Variants in CLCA4 observed in about 807,000 individuals in gnomAD.
CLCA4 encodes the protein calcium-activated chloride channel regulator 4.
CLCA4 carries 69 observed loss-of-function variants against 78.9 expected under a neutral mutation model. That is an observed-to-expected ratio of 0.87 (90% confidence interval 0.72 to 1.07). The LOEUF (loss-of-function observed/expected upper bound fraction) is 1.07, where lower values mean the gene tolerates loss of function less well. Among genes scored for constraint, CLCA4 ranks in the 50% least tolerant of loss-of-function variants. The pLI is 0.00. For missense variants in CLCA4, 1,133 were observed against 1,095.8 expected, an observed-to-expected ratio of 1.03 and a Z score of -0.48; for synonymous variants, 362 against 375.8, an observed-to-expected ratio of 0.96 and a Z score of 0.42.
chr1:86,569,474 A>C (rs894789180), intron 7 of CLCA4, among the ~76,000 whole-genome samples: 8 of 152,014 alleles, frequency 5.3e-5, no homozygotes, highest in Non-Finnish European at 1.0e-4. Context: ...CAAGCACAAC[A>C]AAAAGCTCTT....
At position 86,565,658 on chromosome 1, in the gene CLCA4, T is replaced by C. The variant is rs1186701205; in HGVS notation, c.736-144T>C. The C allele has an allele frequency of 8.0e-6, 5 of 626,124 alleles. 1 individual carries two copies. The highest frequency in any genetic ancestry group is 7.5e-5 in the South Asian group (3 of 40,204). The allele number at this position is 626,124 out of a possible 1,614,324, so 38.8% of individuals were successfully genotyped here. A position where few individuals can be genotyped will look rare whatever the true frequency, so the allele number is the denominator to read the frequency against. ...TAATTCTTATTATGGTAAATCTACC[T>C]TATTGTAATATTGATGCTCAGTAAA... is the stretch of plus-strand genomic sequence containing the variant. On this transcript the variant is annotated intron_variant, in intron 5 of 13. Transcript: ENST00000370563.
chr1:86,559,822 T>C, intron 1 of CLCA4, 110 bp from the exon 2 acceptor site: 1 of 800,194 alleles, frequency 1.2e-6, no homozygotes, highest in Non-Finnish European at 2.1e-6. Context: ...TACTCATCAG[T>C]CTGTTGCTTT....
Position 86,580,143 on chromosome 1 carries a change from T to A in CLCA4, c.2558T>A (p.Leu853Ter), listed in dbSNP as rs1261812285. Residue 853 changes from leucine (L) to a stop codon, truncating the protein, a stop_gained, in exon 14 of 14, where the codon TTG becomes TAG. Transcript: ENST00000370563. LOFTEE classifies it low-confidence loss of function (END_TRUNC). ...IAIKSIDKSNLTSKVSNIAQV... is the reference protein window; with the variant it reads ...IAIKSIDKSN The stretch of plus-strand genomic sequence containing the variant: ...ATTAAAAGTATAGATAAAAGCAATT[T>A]GACATCAAAAGTATCCAACATTGCA... 1 of 1,612,712 alleles carries A rather than the reference T, an allele frequency of 6.2e-7. No individual in the cohort carries two copies. Among genetic ancestry groups the A allele is most frequent in the East Asian group, 2.2e-5 (1 of 44,764 alleles).
Position 86,567,452 on chromosome 1 carries a change from A to T in CLCA4, c.983A>T (p.Gln328Leu). ...AAGGACCGCCTAAATCGAATGAATCAAGCAGCAAAACATTTCCTGCTGCAG... is the reference window on the plus strand; with the variant it reads ...AAGGACCGCCTAAATCGAATGAATCTAGCAGCAAAACATTTCCTGCTGCAG... Reference protein sequence around the residue: ...GGKDRLNRMNQAAKHFLLQTV... With the variant: ...GGKDRLNRMNLAAKHFLLQTV... The change falls in exon 7 of 14, where the codon CAA becomes CTA. Residue 328 changes from glutamine to leucine, a missense_variant. Physicochemically the swap from Gln to Leu is moderately radical, Grantham distance 113. Transcript: ENST00000370563. The T allele has an allele frequency of 6.2e-7, 1 of 1,612,838 alleles. No individual in the cohort carries two copies. Among genetic ancestry groups the T allele is most frequent in the Non-Finnish European group, 8.5e-7 (1 of 1,179,168 alleles).
At chr1:86,556,432 C>T (rs377268742) in intron 1 of CLCA4, among the ~76,000 whole-genome samples, 36 of 152,178 alleles carry the variant, frequency 2.4e-4, no homozygotes, top group African/African-American at 8.4e-4. Context: ...TTCTCCATCT[C>T]CTGAGATAAT....
At chr1:86,562,643 A>G (rs941482247) in intron 3 of CLCA4, among the ~76,000 whole-genome samples, 5 of 152,034 alleles carry the variant, frequency 3.3e-5, no homozygotes, top group Non-Finnish European at 7.4e-5. Flanking sequence ...TCACGAGGTC[A>G]GGAGTTCGAC....
At chr1:86,578,107 G>A (rs1245004482) in intron 12 of CLCA4, 35 bp downstream of exon 12, 1 of 1,566,962 alleles carries the variant, frequency 6.4e-7, no homozygotes, top group Non-Finnish European at 8.7e-7. Flanking sequence ...TCCAGTGATA[G>A]TTTGAACAAT....
chr1:86,576,104 A>T (rs906350179), intron 11 of CLCA4, among the ~76,000 whole-genome samples: 3 of 152,018 alleles, frequency 2.0e-5, no homozygotes, highest in Non-Finnish European at 4.4e-5. Context: ...CGACAACAAA[A>T]ATACCCAATA....
intron 1 of CLCA4, chr1:86,553,002 G>A: frequency 8.0e-6 from 5 of 623,572 alleles, no homozygotes; most frequent in Admixed American, 2.7e-5. Flanking sequence ...CGTCTCCCAA[G>A]CCAGAGGCAG....
intron 5 of CLCA4, 81 bp from the exon 6 acceptor site, chr1:86,565,721 C>A (rs940846574): frequency 2.4e-6 from 2 of 842,376 alleles, no homozygotes; most frequent in Non-Finnish European, 3.5e-6. Flanking sequence ...CTGCAGAAGA[C>A]TTTTAAATTT....
At chr1:86,553,208 C>T in intron 1 of CLCA4, 1 of 1,165,800 alleles carries the variant, frequency 8.6e-7, no homozygotes, top group Non-Finnish European at 1.3e-6. Context: ...GGCAAAGCTG[C>T]AGCTTCACCA....
intron 1 of CLCA4, among the ~76,000 whole-genome samples, chr1:86,550,824 G>A (rs1649632965): frequency 1.3e-5 from 2 of 150,616 alleles, no homozygotes; most frequent in Admixed American, 6.6e-5. Flanking sequence ...GTCTAGGGAG[G>A]GATCATTTCT....
At position 86,571,137 on chromosome 1, in the gene CLCA4, G is replaced by T; in HGVS notation, c.1243G>T (p.Glu415Ter). 6.2e-7 allele frequency: 1 copy of T among 1,612,808 alleles called. No individual in the cohort carries two copies. Among genetic ancestry groups the T allele is most frequent in the Non-Finnish European group, 8.5e-7 (1 of 1,179,012 alleles). ...CGAAGTACTGCTGCTGACTGATGGG[G>T]AGGATAACACTGCAAGTTCTTGTAT... ...GSEVLLLTDGEDNTASSCIDE... is the reference protein window; with the variant it reads ...GSEVLLLTDG Residue 415 changes from glutamate to a stop codon, truncating the protein, a stop_gained, in exon 8 of 14, where the codon GAG becomes TAG. Coordinates refer to ENST00000370563, the MANE Select transcript of CLCA4 (RefSeq NM_012128.4). LOFTEE classifies it high-confidence loss of function.
At chr1:86,562,083 G>A (rs1276836846) in intron 3 of CLCA4, among the ~76,000 whole-genome samples, 13 of 151,492 alleles carry the variant, frequency 8.6e-5, no homozygotes, top group Admixed American at 7.2e-4. Flanking sequence ...ACACACACAC[G>A]ACACACACAC....
In CLCA4 at chr1:86,574,760, G is replaced by A. The variant is rs759893616; in HGVS notation, c.1683+5G>A. 2.5e-6 allele frequency: 4 copies of A among 1,603,422 alleles called. No individual in the cohort carries two copies. The South Asian group carries it at 4.4e-5, about 18-fold the overall frequency. On this transcript the variant is annotated splice_donor_5th_base_variant and intron_variant, in intron 10 of 13. Coordinates refer to ENST00000370563, the MANE Select transcript of CLCA4 (RefSeq NM_012128.4). The stretch of plus-strand genomic sequence containing the variant: ...AGTATTCCAGGAACTGCAAAGGTAA[G>A]CAATCAGCTTTTAGACTTCCTGTCA...
chr1:86,577,816 G>A, intron 11 of CLCA4, 86 bp from the exon 12 acceptor site: 1 of 989,582 alleles, frequency 1.0e-6, no homozygotes, highest in Non-Finnish European at 1.5e-6. Context: ...CTAATCTAGA[G>A]GATATGCTTG....
chr1:86,579,464 C>G lies in CLCA4; in HGVS notation c.2233C>G (p.Pro745Ala). The change falls in exon 13 of 14, where the codon CCA becomes GCA. Residue 745 changes from proline to alanine, a missense_variant. Pro to Ala is a conservative substitution (Grantham distance 27). Transcript: ENST00000370563. ...SGGAFVVSQV[P>A]SLPLPDQYPP... is the part of the protein sequence containing the mutation. Reference sequence around the variant, plus strand: ...AGGTGCATTTGTGGTATCACAAGTCCCAAGCCTTCCCTTGCCTGACCAATA... The same window carrying G: ...AGGTGCATTTGTGGTATCACAAGTCGCAAGCCTTCCCTTGCCTGACCAATA... 6.2e-7 allele frequency: 1 copy of G among 1,613,278 alleles called. No homozygotes were observed.
rs1475515437 is a variant in CLCA4, at chr1:86,565,885, G to A, written c.819G>A (p.Trp273Ter). The change falls in exon 6 of 14, where the codon TGG becomes TGA. Residue 273 changes from tryptophan to a stop codon, truncating the protein, a stop_gained. Transcript: ENST00000370563. LOFTEE classifies it high-confidence loss of function. ...TAAAGTGCAATTTTAGAAGTACATG[G>A]GAGGTGATTAGCAATTCTGAGGATT... Reference protein sequence around the residue: ...QNIKCNFRSTWEVISNSEDFK... With the variant: ...QNIKCNFRST The A allele has an allele frequency of 1.2e-6, 2 of 1,611,768 alleles. No homozygotes were observed. The highest frequency in any genetic ancestry group is 1.7e-6 in the Non-Finnish European group (2 of 1,178,402).
chr1:86,567,917 CG>C (rs994797443), intron 7 of CLCA4, among the ~76,000 whole-genome samples: 2 of 151,980 alleles, frequency 1.3e-5, no homozygotes, highest in African/African-American at 4.8e-5. Context: ...CTTGTTACCA[CG>C]CAGTAGTCAG....
Sources: gnomAD v4.1 joint callset for allele counts (sites outside exome capture counted in the v4.1 genomes callset) on GRCh38, gnomAD v4.1.1 for gene constraint, MANE v1.5 for transcripts, NCBI Gene and HGNC (gene_info 2026-07-23, HGNC 2026-07-21) for gene names.